Variants in DGKI observed in about 807,000 individuals in gnomAD.
DGKI encodes diacylglycerol kinase iota, also known as DAG kinase iota.
A neutral mutation model predicts 147.5 loss-of-function variants in DGKI; 55 were observed. The ratio of observed to expected loss-of-function variants is 0.37; its 90% CI spans 0.30 to 0.47. The LOEUF (loss-of-function observed/expected upper bound fraction) is 0.47, where lower values mean the gene tolerates loss of function less well. Among genes scored for constraint, DGKI ranks in the 20% least tolerant of loss-of-function variants. The probability of loss-of-function intolerance (pLI) is 1.00; values close to 1 mark genes in which losing one functional copy is unlikely to be tolerated. For synonymous variants in DGKI, 469 were observed against 477.1 expected (o/e 0.98, Z 0.22); for missense variants, 1,007 against 1,323.8 (o/e 0.76, Z 3.71).
chr7:137,512,135 C>A (rs1816600743), intron 21 of DGKI, among the ~76,000 whole-genome samples: 1 of 152,182 alleles, frequency 6.6e-6, no homozygotes, highest in Non-Finnish European at 1.5e-5. Context: ...ACCGCAAATT[C>A]TTTTAAATTT....
chr7:137,486,878 C>T (rs1250275278), intron 22 of DGKI, among the ~76,000 whole-genome samples: 1 of 151,906 alleles, frequency 6.6e-6, no homozygotes, highest in Admixed American at 6.6e-5. Flanking sequence ...CTAGGCCACA[C>T]CCAAGAAAAG....
chr7:137,588,940 C>A (rs1167063680), intron 12 of DGKI, among the ~76,000 whole-genome samples: 1 of 152,136 alleles, frequency 6.6e-6, no homozygotes, highest in Non-Finnish European at 1.5e-5. Context: ...TCCTTAGTAT[C>A]ACACAGTTTA....
At position 137,385,560 on chromosome 7, in the gene DGKI, T is replaced by C. The variant is rs1238811246; in HGVS notation, c.*5660A>G. 2 of 152,128 alleles carry C rather than the reference T, an allele frequency of 1.3e-5. No homozygotes were observed. The highest frequency in any genetic ancestry group is 6.6e-5 in the Admixed American group (1 of 15,254). 9.4% of individuals were successfully genotyped at this position (152,128 alleles called of 1,614,324 possible). A position where few individuals can be genotyped will look rare whatever the true frequency, so the allele number is the denominator to read the frequency against. Reference sequence around the variant, plus strand: ...ACTATTACATATTATTTGTACTTCATCTTCTTTATATTTAGTCAAAACCCA... The same window carrying C: ...ACTATTACATATTATTTGTACTTCACCTTCTTTATATTTAGTCAAAACCCA... On this transcript the variant is annotated 3_prime_UTR_variant, in exon 33 of 33. Coordinates refer to ENST00000614521, the MANE Select transcript of DGKI (RefSeq NM_001321708.2).
chr7:137,619,994 C>G (rs532978173), intron 7 of DGKI, 54 bp from the exon 8 acceptor site: 1 of 1,050,152 alleles, frequency 9.5e-7, no homozygotes, highest in African/African-American at 1.6e-5. Context: ...AATGCTGCAG[C>G]AAGAAGGGAT....
At chr7:137,472,237 T>G (rs1188967901) in intron 23 of DGKI, among the ~76,000 whole-genome samples, 2 of 111,268 alleles carry the variant, frequency 1.8e-5, no homozygotes, top group Non-Finnish European at 3.3e-5. Flanking sequence ...ACATATAATA[T>G]ATGTATATAT....
chr7:137,508,066 A>C (rs568237082), intron 21 of DGKI, among the ~76,000 whole-genome samples: 1 of 152,216 alleles, frequency 6.6e-6, no homozygotes, highest in East Asian at 1.9e-4. Context: ...CTAAGACCAG[A>C]GGTTTGATTT....
rs61282606 is a variant in DGKI, at chr7:137,675,683, CAAAAAAA to C, written c.606+2867_606+2873del. Among the ~76,000 whole-genome samples, 875 of 107,684 alleles carry C rather than the reference CAAAAAAA, an allele frequency of 8.1e-3. 8 individuals carry two copies. Among genetic ancestry groups the C allele is most frequent in the South Asian group, 0.048 (168 of 3,512 alleles). 70.6% of individuals were successfully genotyped at this position (107,684 alleles called of 152,430 possible). On this transcript the variant is annotated intron_variant, in intron 3 of 32. Transcript: ENST00000614521. ...CTGGGCAGCCGAGCAAGACTACATC[CAAAAAAA>C]AAAAAAAAAAAAAAAAATCGGAGAC...
intron 21 of DGKI, among the ~76,000 whole-genome samples, chr7:137,519,323 G>A (rs1051201980): frequency 3.9e-5 from 6 of 152,010 alleles, no homozygotes; most frequent in Non-Finnish European, 7.4e-5. Context: ...ACAAACATGC[G>A]AGCTTGTTAT....
intron 27 of DGKI, among the ~76,000 whole-genome samples, chr7:137,456,475 T>C (rs756741168): frequency 6.0e-4 from 92 of 152,322 alleles, no homozygotes; most frequent in Admixed American, 9.8e-4. Flanking sequence ...CCCAAAAGCC[T>C]GCCTTGTTGG....
chr7:137,828,898 T>G (rs1485338814), intron 1 of DGKI, among the ~76,000 whole-genome samples: 1 of 152,226 alleles, frequency 6.6e-6, no homozygotes, highest in Non-Finnish European at 1.5e-5. Flanking sequence ...AATAAGAGCA[T>G]AAGAAACAAT....
chr7:137,472,159 A>AT (rs1378479444), intron 23 of DGKI, among the ~76,000 whole-genome samples: 1 of 121,276 alleles, frequency 8.2e-6, no homozygotes, highest in African/African-American at 3.3e-5. Flanking sequence ...ACATATAAAT[A>AT]TTATATATAC....
chr7:137,490,930 G>A (rs1221839803), intron 21 of DGKI, among the ~76,000 whole-genome samples: 1 of 152,184 alleles, frequency 6.6e-6, no homozygotes, highest in Non-Finnish European at 1.5e-5. Context: ...CTGTGTTCCA[G>A]AATAAGATGG....
At chr7:137,645,917 A>G (rs1471795409) in intron 5 of DGKI, among the ~76,000 whole-genome samples, 1 of 152,192 alleles carries the variant, frequency 6.6e-6, no homozygotes, top group Non-Finnish European at 1.5e-5. Flanking sequence ...AAGATCTTTC[A>G]TATCTGTAGA....
intron 19 of DGKI, among the ~76,000 whole-genome samples, chr7:137,552,770 C>A (rs1311810445): frequency 7.3e-6 from 1 of 137,522 alleles, no homozygotes; most frequent in Admixed American, 7.3e-5. Context: ...AAAAAAAAAG[C>A]TGGGCATGGT....
In DGKI at chr7:137,591,214, CATCA is replaced by C. The variant is rs150386890; in HGVS notation, c.1312-4008_1312-4005del. On this transcript the variant is annotated intron_variant, in intron 12 of 32. Transcript: ENST00000614521. ...GTGAATGTAAAGGTGCTTCGCCTCTCATCAATCAATTTGCTTTATGAACCGGATA... is the reference window on the plus strand; with the variant it reads ...GTGAATGTAAAGGTGCTTCGCCTCTCATCAATTTGCTTTATGAACCGGATA... Among the ~76,000 whole-genome samples the C allele has an allele frequency of 6.3e-3, 956 of 152,348 alleles. 6 individuals carry two copies. Among genetic ancestry groups the C allele is most frequent in the African/African-American group, 0.022 (904 of 41,594 alleles).
chr7:137,403,006 A>G (rs1001965604), intron 30 of DGKI, among the ~76,000 whole-genome samples: 1 of 152,170 alleles, frequency 6.6e-6, no homozygotes, highest in Non-Finnish European at 1.5e-5. Context: ...AATAAAAACA[A>G]AAGAGCAGAG....
intron 20 of DGKI, among the ~76,000 whole-genome samples, chr7:137,531,490 A>C (rs1009543629): frequency 6.6e-6 from 1 of 152,148 alleles, no homozygotes; most frequent in African/African-American, 2.4e-5. Context: ...ACCATTCATC[A>C]CTATACTTAG....
At chr7:137,530,315 G>A (rs1282611483) in intron 20 of DGKI, among the ~76,000 whole-genome samples, 1 of 152,102 alleles carries the variant, frequency 6.6e-6, no homozygotes, top group Non-Finnish European at 1.5e-5. Flanking sequence ...TAAGTTACCA[G>A]AAGCTCCTTC....
intron 14 of DGKI, among the ~76,000 whole-genome samples, chr7:137,584,150 T>C (rs1218860423): frequency 1.3e-5 from 2 of 152,178 alleles, no homozygotes; most frequent in Non-Finnish European, 2.9e-5. Context: ...CCTCAATAAA[T>C]GGCATGGTTC....
Sources: gnomAD v4.1 joint callset for allele counts (sites outside exome capture counted in the v4.1 genomes callset) on GRCh38, gnomAD v4.1.1 for gene constraint, MANE v1.5 for transcripts, NCBI Gene and HGNC (gene_info 2026-07-23, HGNC 2026-07-21) for gene names.